SYT17: variants seen among roughly 807,000 people sequenced by gnomAD.
SYT17 encodes synaptotagmin 17, also known as synaptotagmin-17.
A neutral mutation model predicts 46.7 loss-of-function variants in SYT17; 22 were observed. That is an observed-to-expected ratio of 0.47 (90% CI 0.34 to 0.67). The LOEUF is 0.67. SYT17 is among the 30% of genes least tolerant of loss of function. The pLI is 0.01. For synonymous variants in SYT17, 251 were observed against 248.4 expected (o/e 1.01, Z -0.10); for missense variants, 519 against 612.8 (o/e 0.85, Z 1.62).
chr16:19,250,158 G>C, intron 7 of SYT17: 1 of 1,372,576 alleles, frequency 7.3e-7, no homozygotes, highest in Non-Finnish European at 9.5e-7. Context: ...CATATTGAAA[G>C]AATTGTCCCA....
chr16:19,229,291 G>A (rs755681955), intron 7 of SYT17, among the ~76,000 whole-genome samples: 1 of 152,190 alleles, frequency 6.6e-6, no homozygotes, highest in African/African-American at 2.4e-5. Context: ...GGGTCCTCAG[G>A]CTGTACAGGA....
At chr16:19,173,613 A>G (rs752650043) in intron 3 of SYT17, 35 bp downstream of exon 3, 1 of 1,603,998 alleles carries the variant, frequency 6.2e-7, no homozygotes, top group East Asian at 2.2e-5. Flanking sequence ...TCTGAAATCA[A>G]TTTCAAGACT....
intron 5 of SYT17, among the ~76,000 whole-genome samples, chr16:19,220,944 C>T (rs1200182220): frequency 1.3e-5 from 2 of 151,698 alleles, no homozygotes; most frequent in African/African-American, 4.8e-5. Flanking sequence ...GTTATCCCAA[C>T]AGTTTGGGAG....
At chr16:19,260,073 C>A (rs2143001370) in intron 7 of SYT17, among the ~76,000 whole-genome samples, 1 of 152,040 alleles carries the variant, frequency 6.6e-6, no homozygotes, top group African/African-American at 2.4e-5. Context: ...TATCTAAAGA[C>A]CTGAAATCAA....
intron 5 of SYT17, among the ~76,000 whole-genome samples, chr16:19,185,987 G>A (rs527291001): frequency 8.1e-4 from 124 of 152,278 alleles, no homozygotes; most frequent in African/African-American, 2.9e-3. Context: ...CGGTAGAGGA[G>A]CTGGCGTCTC....
In SYT17 at chr16:19,224,773, A is replaced by G. The variant is rs1966443752; in HGVS notation, c.1163A>G (p.Tyr388Cys). Residue 388 changes from tyrosine (Y) to cysteine (C), a missense_variant, in exon 7 of 8, where the codon TAC becomes TGC. Physicochemically the swap from Tyr to Cys is radical, Grantham distance 194. Transcript: ENST00000355377. ...SFLRGTIDPF[Y>C]NESFSFKVPQ... is the part of the protein sequence containing the mutation. ...TTAAGGGGCACAATTGATCCTTTCT[A>G]CAATGAATCCTTCAGCTTCAAAGTT... The G allele has an allele frequency of 6.2e-7, 1 of 1,614,022 alleles. No homozygotes were observed. The highest frequency in any genetic ancestry group is 8.5e-7 in the Non-Finnish European group (1 of 1,179,992).
chr16:19,229,641 G>A (rs1367128147), intron 7 of SYT17, among the ~76,000 whole-genome samples: 1 of 152,182 alleles, frequency 6.6e-6, no homozygotes, highest in Non-Finnish European at 1.5e-5. Flanking sequence ...AAGAAATGCA[G>A]CTTGATGGCA....
intron 5 of SYT17, 129 bp downstream of exon 5, chr16:19,184,276 C>T: frequency 7.7e-7 from 1 of 1,293,684 alleles, no homozygotes; most frequent in South Asian, 1.6e-5. Context: ...ATTTTTGACT[C>T]ACAAGAGGTT....
chr16:19,195,957 C>T (rs531034709), intron 5 of SYT17, among the ~76,000 whole-genome samples: 6 of 152,176 alleles, frequency 3.9e-5, no homozygotes, highest in African/African-American at 1.4e-4. Flanking sequence ...TGCACTCCAG[C>T]CTGGGTGACA....
chr16:19,168,161 G>A (rs1267812670), upstream of SYT17: 5 of 162,194 alleles, frequency 3.1e-5, no homozygotes, highest in East Asian at 7.5e-4. This position sits in a 1 kb window ranked among gnomAD's most constrained non-coding sequence, Gnocchi z 6.9. Flanking sequence ...GCCAGCCCCC[G>A]TGCCAGCAGG....
intron 4 of SYT17, among the ~76,000 whole-genome samples, chr16:19,182,337 C>T (rs998166051): frequency 3.9e-5 from 6 of 152,120 alleles, no homozygotes; most frequent in African/African-American, 1.4e-4. Context: ...TTCACTTGCA[C>T]CTGGAAGGTG....
At chr16:19,258,930 G>A (rs762348115) in intron 7 of SYT17, among the ~76,000 whole-genome samples, 1 of 152,176 alleles carries the variant, frequency 6.6e-6, no homozygotes, top group South Asian at 2.1e-4. Flanking sequence ...TTCAAAGCCT[G>A]ATCTTTGAGC....
intron 5 of SYT17, among the ~76,000 whole-genome samples, chr16:19,204,531 G>A (rs1342710135): frequency 2.6e-5 from 4 of 152,032 alleles, no homozygotes; most frequent in Admixed American, 6.6e-5. Flanking sequence ...GATGGGGCAG[G>A]GTGGTGCTGA....
intron 1 of SYT17, chr16:19,170,414 CCT>C (rs1964036793): frequency 6.6e-6 from 1 of 152,058 alleles, no homozygotes; most frequent in Non-Finnish European, 1.5e-5. Context: ...AGTTTGCCAA[CCT>C]CTGTTTAGAA....
chr16:19,212,532 A>C (rs1369719359), intron 5 of SYT17, among the ~76,000 whole-genome samples: 1 of 152,142 alleles, frequency 6.6e-6, no homozygotes, highest in Admixed American at 6.5e-5. Context: ...GAGGCACAAG[A>C]ATCACTTGAA....
intron 5 of SYT17, among the ~76,000 whole-genome samples, chr16:19,185,381 G>T (rs553195712): frequency 6.6e-6 from 1 of 152,158 alleles, no homozygotes; most frequent in Admixed American, 6.5e-5. Flanking sequence ...GAGTCTAGGC[G>T]TTCAAGACCA....
intron 7 of SYT17, among the ~76,000 whole-genome samples, chr16:19,262,597 T>A (rs577920310): frequency 8.4e-5 from 12 of 143,174 alleles, no homozygotes; most frequent in Non-Finnish European, 1.8e-4. Flanking sequence ...ATACGAGCAG[T>A]GCCTAATTCT....
intron 5 of SYT17, among the ~76,000 whole-genome samples, chr16:19,198,516 A>G (rs1325885373): frequency 6.6e-6 from 1 of 152,234 alleles, no homozygotes; most frequent in East Asian, 1.9e-4. Context: ...TACTGTTCTA[A>G]GGGCTTTCAT....
intron 7 of SYT17, among the ~76,000 whole-genome samples, chr16:19,232,547 T>C (rs1035738325): frequency 2.6e-5 from 4 of 152,082 alleles, no homozygotes; most frequent in Non-Finnish European, 4.4e-5. Flanking sequence ...AATTAAACCC[T>C]TGGCCCGGTG....
Sources: gnomAD v4.1 joint callset for allele counts (sites outside exome capture counted in the v4.1 genomes callset) on GRCh38, gnomAD v4.1.1 for gene constraint, Gnocchi (gnomAD v3.1) non-coding constraint, MANE v1.5 for transcripts, NCBI Gene and HGNC (gene_info 2026-07-23, HGNC 2026-07-21) for gene names.